The following PRDM11 variants were observed in gnomAD, a reference collection of about 807,000 sequenced individuals.
The protein encoded by PRDM11 is PR/SET domain 11.
Under a neutral mutation model 97.8 loss-of-function variants are expected in PRDM11, and 20 were observed. The observed-to-expected ratio is 0.20, with a 90% confidence interval of 0.14 to 0.30. The LOEUF (loss-of-function observed/expected upper bound fraction) is 0.30. PRDM11 is among the 10% of genes least tolerant of loss of function. PRDM11 has a pLI of 1.00. For missense variants in PRDM11, 1,139 were observed against 1,555.2 expected, an observed-to-expected ratio of 0.73 and a Z score of 4.50; for synonymous variants, 599 against 637.7, an observed-to-expected ratio of 0.94 and a Z score of 0.91.
intron 1 of PRDM11, among the ~76,000 whole-genome samples, chr11:45,172,560 C>T (rs1433994985): frequency 6.6e-6 from 1 of 152,128 alleles, no homozygotes; most frequent in Non-Finnish European, 1.5e-5. Context: ...AGCCAGGAAC[C>T]AGGGACAAAG....
At chr11:45,183,287 T>C (rs1021052135) in intron 4 of PRDM11, among the ~76,000 whole-genome samples, 164 bp downstream of exon 4, 1 of 152,166 alleles carries the variant, frequency 6.6e-6, no homozygotes, top group Admixed American at 6.5e-5. Context: ...GCTGAGTGGC[T>C]GCAACGCTTG....
In PRDM11 at chr11:45,219,258, T is replaced by C. The variant is rs1225953739; in HGVS notation, c.555-312T>C. On this transcript the variant is annotated intron_variant, in intron 5 of 7. Transcript: ENST00000683152. This position sits in a 1 kb window ranked among gnomAD's most constrained non-coding sequence, Gnocchi z 4.2. ...AACCTTTCAGTTTTTCAATCACTTA[T>C]AATATTTAGTTGATATATTTTCCAT... 6.6e-6 allele frequency among the ~76,000 whole-genome samples: 1 copy of C among 152,186 alleles called. No individual in the cohort carries two copies. The highest frequency in any genetic ancestry group is 1.5e-5 in the Non-Finnish European group (1 of 68,032).
intron 1 of PRDM11, among the ~76,000 whole-genome samples, chr11:45,113,373 A>T (rs1852226814): frequency 6.6e-6 from 1 of 152,204 alleles, no homozygotes; most frequent in African/African-American, 2.4e-5. Context: ...TATAGTTTGA[A>T]GTCGAGTAAT....
At chr11:45,177,942 C>T (rs1852368571) in intron 1 of PRDM11, among the ~76,000 whole-genome samples, 2 of 152,062 alleles carry the variant, frequency 1.3e-5, no homozygotes. Context: ...TAAAACATTG[C>T]AAATCTTTTG....
intron 1 of PRDM11, among the ~76,000 whole-genome samples, chr11:45,099,236 T>C (rs1289353648): frequency 2.0e-5 from 3 of 152,066 alleles, no homozygotes; most frequent in Non-Finnish European, 2.9e-5. Context: ...GCAGATTGCC[T>C]GAGCTCAGGA....
In PRDM11 at chr11:45,225,178, C is replaced by T. The variant is rs1340000227; in HGVS notation, c.1369+335C>T. 4 of 1,274,140 alleles carry T rather than the reference C, an allele frequency of 3.1e-6. No individual in the cohort carries two copies. The African/African-American group carries it at 6.0e-5, about 19-fold the overall frequency. The allele number at this position is 1,274,140 out of a possible 1,614,324, so 78.9% of individuals were successfully genotyped here. On this transcript the variant is annotated intron_variant, in intron 7 of 7. Coordinates refer to ENST00000683152, the MANE Select transcript of PRDM11 (RefSeq NM_001384648.1). ...CCCAATTTCTAAACCCAGTCTTTCT[C>T]TGTCCCCAGTCTCAAGCAGGGTGTC...
chr11:45,126,919 T>A (rs1323092032), intron 1 of PRDM11, among the ~76,000 whole-genome samples: 1 of 152,190 alleles, frequency 6.6e-6, no homozygotes, highest in Non-Finnish European at 1.5e-5. Context: ...CTGGATAATA[T>A]CCTGCAGAGT....
chr11:45,095,071 G>A (rs981260678), upstream of PRDM11, among the ~76,000 whole-genome samples: 4 of 152,080 alleles, frequency 2.6e-5, no homozygotes, highest in African/African-American at 7.2e-5. Context: ...GCTTAACAAC[G>A]CCCTTCCCCA....
chr11:45,121,031 C>T (rs1590352507), intron 1 of PRDM11, among the ~76,000 whole-genome samples: 1 of 151,926 alleles, frequency 6.6e-6, no homozygotes, highest in Non-Finnish European at 1.5e-5. Flanking sequence ...AAAAAAAGAA[C>T]ATATAACCAC....
chr11:45,224,450 A>C lies in PRDM11; in HGVS notation c.976A>C (p.Ser326Arg). The C allele has an allele frequency of 6.2e-7, 1 of 1,614,212 alleles. No individual in the cohort carries two copies. Among genetic ancestry groups the C allele is most frequent in the South Asian group, 1.1e-5 (1 of 91,078 alleles). The change falls in exon 7 of 8, where the codon AGC becomes CGC. Residue 326 changes from serine to arginine, a missense_variant. Coordinates refer to ENST00000683152, the MANE Select transcript of PRDM11 (RefSeq NM_001384648.1). ...GGTGGAAGCCCACCAGTTGGCCCTGAGCACCTCACTGGTCATCAGGAAAGT... is the reference window on the plus strand; with the variant it reads ...GGTGGAAGCCCACCAGTTGGCCCTGCGCACCTCACTGGTCATCAGGAAAGT... ...AKVEAHQLAL[S>R]TSLVIRKVPK...
chr11:45,213,349 G>A (rs1190183181), intron 5 of PRDM11: 1 of 454,270 alleles, frequency 2.2e-6, no homozygotes, highest in East Asian at 7.0e-5. Flanking sequence ...AGGGAGGGGG[G>A]CGCAACAGTG....
At chr11:45,110,560 T>C (rs1852154226) in intron 1 of PRDM11, among the ~76,000 whole-genome samples, 1 of 152,202 alleles carries the variant, frequency 6.6e-6, no homozygotes, top group Admixed American at 6.5e-5. Flanking sequence ...GGCTCTCCTC[T>C]GACCTGGGGG....
At chr11:45,213,184 A>C in intron 5 of PRDM11, 2 of 456,626 alleles carry the variant, frequency 4.4e-6, no homozygotes, top group Non-Finnish European at 8.8e-6. Flanking sequence ...CACCGAGCGC[A>C]GGTCGCTGCC....
intron 1 of PRDM11, among the ~76,000 whole-genome samples, chr11:45,153,732 T>C (rs1166727107): frequency 2.0e-5 from 3 of 152,230 alleles, no homozygotes; most frequent in Non-Finnish European, 4.4e-5. Context: ...CTCAGTAATA[T>C]CAGTCCTGCC....
intron 5 of PRDM11, among the ~76,000 whole-genome samples, chr11:45,217,625 C>T (rs751633476): frequency 2.6e-4 from 40 of 152,172 alleles, no homozygotes; most frequent in Non-Finnish European, 5.3e-4. Flanking sequence ...ATCCTGTTGC[C>T]AGAATGGATT....
intron 6 of PRDM11, among the ~76,000 whole-genome samples, chr11:45,220,009 C>T (rs530741691): frequency 6.6e-5 from 10 of 152,152 alleles, no homozygotes; most frequent in African/African-American, 9.7e-5. Context: ...ATGAGAGAGA[C>T]GCCCCCAAAA....
At chr11:45,178,847 G>A (rs985958949) in intron 1 of PRDM11, among the ~76,000 whole-genome samples, 2 of 152,352 alleles carry the variant, frequency 1.3e-5, no homozygotes, top group South Asian at 4.1e-4. Context: ...CACTGTTACA[G>A]GTGCTGGCAG....
chr11:45,138,383 T>G (rs968441238), intron 1 of PRDM11, among the ~76,000 whole-genome samples: 3 of 152,012 alleles, frequency 2.0e-5, no homozygotes, highest in Non-Finnish European at 4.4e-5. Flanking sequence ...CTGGGGAACA[T>G]AGTGAGACCC....
At chr11:45,159,968 G>T (rs1332770947) in intron 1 of PRDM11, among the ~76,000 whole-genome samples, 2 of 152,210 alleles carry the variant, frequency 1.3e-5, no homozygotes, top group African/African-American at 4.8e-5. Context: ...GAGTTGGCTT[G>T]TGCGCCTCTG....
Sources: allele counts gnomAD v4.1 joint callset (sites outside exome capture counted in the v4.1 genomes callset), GRCh38; gene constraint gnomAD v4.1.1; non-coding constraint Gnocchi (gnomAD v3.1); transcripts MANE v1.5; gene names NCBI Gene and HGNC (gene_info 2026-07-23, HGNC 2026-07-21).